The following CHCHD3 variants were observed in gnomAD, a reference collection of about 807,000 sequenced individuals.
CHCHD3 encodes MICOS complex subunit MIC19.
A neutral mutation model predicts 38.2 loss-of-function variants in CHCHD3; 20 were observed. The ratio of observed to expected loss-of-function variants is 0.52; its 90% CI spans 0.37 to 0.76. CHCHD3 has a LOEUF of 0.76. CHCHD3 is among the 30% of genes least tolerant of loss of function. The probability of loss-of-function intolerance (pLI) is 0.00; values close to 1 mark genes in which losing one functional copy is unlikely to be tolerated. For synonymous variants in CHCHD3, 82 were observed against 100.0 expected (o/e 0.82, Z 1.07); for missense variants, 245 against 279.2 (o/e 0.88, Z 0.87).
chr7:132,941,956 G>T (rs1810777296), intron 4 of CHCHD3, among the ~76,000 whole-genome samples: 1 of 152,162 alleles, frequency 6.6e-6, no homozygotes, highest in African/African-American at 2.4e-5. Context: ...GTTCTCTGAA[G>T]TAAGTACCTA....
chr7:132,822,820 A>AAAAAC (rs367839827), intron 6 of CHCHD3, among the ~76,000 whole-genome samples: 19,003 of 150,598 alleles, frequency 0.13, 1,602 homozygotes, highest in African/African-American at 0.23. Flanking sequence ...GCCCCCCACC[A>AAAAAC]AAAACAAAAC....
At chr7:132,915,981 A>G (rs994473757) in intron 4 of CHCHD3, among the ~76,000 whole-genome samples, 25 of 151,740 alleles carry the variant, frequency 1.6e-4, no homozygotes, top group Non-Finnish European at 1.0e-4. Context: ...GTAAAGCAAA[A>G]TGAGCATTGT....
chr7:132,959,221 C>G (rs887053336), intron 4 of CHCHD3, among the ~76,000 whole-genome samples: 1 of 152,220 alleles, frequency 6.6e-6, no homozygotes, highest in African/African-American at 2.4e-5. Flanking sequence ...TGAGGCTATA[C>G]TCACATTCCA....
chr7:132,850,020 C>T (rs140695706), intron 5 of CHCHD3, among the ~76,000 whole-genome samples: 5 of 152,308 alleles, frequency 3.3e-5, no homozygotes, highest in Non-Finnish European at 7.3e-5. Context: ...GAATAGACCT[C>T]TGTAAGCCCT....
intron 2 of CHCHD3, among the ~76,000 whole-genome samples, chr7:133,040,360 G>C (rs950827212): frequency 6.6e-6 from 1 of 152,142 alleles, no homozygotes; most frequent in East Asian, 1.9e-4. Flanking sequence ...TTTCAGAAGG[G>C]GCTAGCTGAC....
At chr7:132,990,943 G>GACACATAC (rs1812261415) in intron 3 of CHCHD3, among the ~76,000 whole-genome samples, 1 of 79,426 alleles carries the variant, frequency 1.3e-5, no homozygotes, top group Admixed American at 1.5e-4. Context: ...CCCCTACACA[G>GACACATAC]ACACACATAC....
At chr7:133,065,693 T>C (rs1270579208) in intron 2 of CHCHD3, among the ~76,000 whole-genome samples, 1 of 152,186 alleles carries the variant, frequency 6.6e-6, no homozygotes, top group Non-Finnish European at 1.5e-5. Context: ...TCCTAAGAAA[T>C]CTATTATTGA....
chr7:133,054,554 TA>T (rs1230025175), intron 2 of CHCHD3, among the ~76,000 whole-genome samples: 1 of 152,186 alleles, frequency 6.6e-6, no homozygotes, highest in Non-Finnish European at 1.5e-5. Context: ...ATTTCAAAAG[TA>T]TTTCAAAAGC....
chr7:132,932,520 T>C (rs1043971079), intron 4 of CHCHD3, among the ~76,000 whole-genome samples: 7 of 152,168 alleles, frequency 4.6e-5, no homozygotes, highest in Non-Finnish European at 7.4e-5. Context: ...CTACGCAACT[T>C]GCCAGCCAAT....
At chr7:133,023,175 G>A (rs1813241845) in intron 3 of CHCHD3, among the ~76,000 whole-genome samples, 1 of 151,954 alleles carries the variant, frequency 6.6e-6, no homozygotes, top group African/African-American at 2.4e-5. Context: ...AGCACTGCAT[G>A]GGAAACTGTG....
chr7:132,820,268 T>A (rs1023299913), intron 6 of CHCHD3, among the ~76,000 whole-genome samples: 2 of 152,254 alleles, frequency 1.3e-5, no homozygotes, highest in African/African-American at 4.8e-5. Flanking sequence ...AATTTTTAAA[T>A]GTTGTATTCA....
chr7:132,795,181 C>T (rs866975819), intron 7 of CHCHD3, among the ~76,000 whole-genome samples: 21 of 152,312 alleles, frequency 1.4e-4, no homozygotes, highest in Middle Eastern at 3.4e-3. Flanking sequence ...CCACTGACCA[C>T]CAGCTCAATA....
At chr7:132,799,736 C>T (rs1300934551) in intron 6 of CHCHD3, among the ~76,000 whole-genome samples, 1 of 152,086 alleles carries the variant, frequency 6.6e-6, no homozygotes, top group South Asian at 2.1e-4. Flanking sequence ...GTAACAAAAA[C>T]AAGAAAAAAA....
chr7:132,963,145 T>TA (rs71681912), intron 4 of CHCHD3, among the ~76,000 whole-genome samples: 41 of 139,284 alleles, frequency 2.9e-4, no homozygotes, highest in East Asian at 2.3e-3. Context: ...CTCCCCCAAA[T>TA]AAAAAAAAAA....
At chr7:132,867,096 G>A (rs1370541361) in intron 5 of CHCHD3, among the ~76,000 whole-genome samples, 2 of 152,076 alleles carry the variant, frequency 1.3e-5, no homozygotes, top group African/African-American at 4.8e-5. Context: ...AAATATATTT[G>A]TTATTGACTA....
chr7:132,785,415 C>G lies in CHCHD3; in HGVS notation c.*222G>C, dbSNP rs1311433664. 1.7e-6 allele frequency: 1 copy of G among 599,856 alleles called. No homozygotes were observed. The highest frequency in any genetic ancestry group is 3.0e-6 in the Non-Finnish European group (1 of 333,694). 37.2% of individuals were successfully genotyped at this position (599,856 alleles called of 1,614,324 possible). On this transcript the variant is annotated 3_prime_UTR_variant, in exon 8 of 8. Coordinates refer to ENST00000262570, the MANE Select transcript of CHCHD3 (RefSeq NM_017812.4). ...CATCATAAGAGGGTTTACTAATACT[C>G]AAGAGTGTCCTTTAATGACTGATCC...
intron 5 of CHCHD3, among the ~76,000 whole-genome samples, chr7:132,879,523 G>A (rs1808995994): frequency 6.6e-6 from 1 of 151,688 alleles, no homozygotes; most frequent in South Asian, 2.1e-4. Flanking sequence ...CATGTCCTGG[G>A]GAGACAAGGC....
At chr7:132,789,475 C>T (rs1389943959) in intron 7 of CHCHD3, among the ~76,000 whole-genome samples, 2 of 152,168 alleles carry the variant, frequency 1.3e-5, no homozygotes, top group African/African-American at 2.4e-5. Context: ...ATAAGAACAG[C>T]GCCCCTGGAG....
Position 132,898,871 on chromosome 7 carries a change from G to A in CHCHD3, c.370-13126C>T, listed in dbSNP as rs182675540. 6.6e-3 allele frequency among the ~76,000 whole-genome samples: 1,002 copies of A among 152,320 alleles called. 11 individuals carry two copies. The highest frequency in any genetic ancestry group is 0.022 in the African/African-American group (930 of 41,572). ...CAGGTGCTAAGCCCCTCATTGCCCG[G>A]GGCCGGCAGGGCCGGCCGGCTGCTC... On this transcript the variant is annotated intron_variant, in intron 4 of 7. Transcript: ENST00000262570.
Sources: gnomAD v4.1 joint callset for allele counts (sites outside exome capture counted in the v4.1 genomes callset) on GRCh38, gnomAD v4.1.1 for gene constraint, MANE v1.5 for transcripts, NCBI Gene and HGNC (gene_info 2026-07-23, HGNC 2026-07-21) for gene names.